The following SLAMF7 variants were observed in gnomAD, a reference collection of about 807,000 sequenced individuals.
The protein encoded by SLAMF7 is 19A24 protein.
SLAMF7 carries 26 observed loss-of-function variants against 34.1 expected under a neutral mutation model. The ratio of observed to expected loss-of-function variants is 0.76; its 90% confidence interval spans 0.56 to 1.06. The LOEUF is 1.06. Ranked by LOEUF, SLAMF7 falls within the 50% of genes least tolerant of loss-of-function variation. The probability of loss-of-function intolerance (pLI) is 0.00; values close to 1 mark genes in which losing one functional copy is unlikely to be tolerated. For synonymous variants in SLAMF7, 171 were observed against 156.4 expected (o/e 1.09, Z -0.70); for missense variants, 399 against 402.5 (o/e 0.99, Z 0.07).
At chr1:160,739,242 T>G, upstream of SLAMF7, 1 of 1,465,766 alleles carries the variant, frequency 6.8e-7, no homozygotes, top group Middle Eastern at 1.7e-4. Flanking sequence ...GGGGAAGAGG[T>G]CTGAGTAATA....
At position 160,753,163 on chromosome 1, in the gene SLAMF7, G is replaced by A. The variant is rs1198762741; in HGVS notation, c.994G>A (p.Glu332Lys). 4 of 1,612,812 alleles carry A rather than the reference G, an allele frequency of 2.5e-6. No individual in the cohort carries two copies. Among genetic ancestry groups the A allele is most frequent in the East Asian group, 2.2e-5 (1 of 44,866 alleles). Residue 332 changes from glutamate (E) to lysine (K), a missense_variant, in exon 7 of 7, where the codon GAG (glutamate) becomes AAG (lysine). Coordinates refer to ENST00000368043, the MANE Select transcript of SLAMF7 (RefSeq NM_021181.5). Reference protein sequence around the residue: ...MPDTPRLFAYENVI With the variant: ...MPDTPRLFAYKNVI ...AGACACACCAAGGCTATTTGCCTAT[G>A]AGAATGTTATCTAGACAGCAGTGCA...
intron 1 of SLAMF7, among the ~76,000 whole-genome samples, chr1:160,742,211 C>A (rs1663804501): frequency 6.6e-6 from 1 of 152,106 alleles, no homozygotes; most frequent in Non-Finnish European, 1.5e-5. Flanking sequence ...AGGAAGGTGA[C>A]AAAGGGCAGG....
intron 2 of SLAMF7, among the ~76,000 whole-genome samples, chr1:160,748,994 TC>T (rs1369951336): frequency 6.6e-6 from 1 of 152,186 alleles, no homozygotes; most frequent in African/African-American, 2.4e-5. Context: ...GAGAAATGCT[TC>T]CTTTCAATTC....
At chr1:160,753,062 C>T in intron 6 of SLAMF7, 44 bp from the exon 7 acceptor site, 3 of 1,576,168 alleles carry the variant, frequency 1.9e-6, no homozygotes, top group Non-Finnish European at 2.6e-6. Flanking sequence ...GATCCAGAGC[C>T]CTGCTCACCT....
chr1:160,744,675 C>T (rs1664001010), intron 1 of SLAMF7, among the ~76,000 whole-genome samples: 1 of 152,200 alleles, frequency 6.6e-6, no homozygotes, highest in Non-Finnish European at 1.5e-5. Context: ...CACTTCCTCA[C>T]CTTAAATTAT....
intron 1 of SLAMF7, among the ~76,000 whole-genome samples, chr1:160,740,578 C>T (rs548520810): frequency 2.6e-5 from 4 of 152,248 alleles, no homozygotes; most frequent in African/African-American, 4.8e-5. Flanking sequence ...ACTGGACAAG[C>T]GCATCCTTGG....
In SLAMF7 at chr1:160,750,042, C is replaced by G. The variant is rs766218290; in HGVS notation, c.598C>G (p.Pro200Ala). 3.1e-6 allele frequency: 5 copies of G among 1,614,028 alleles called. No homozygotes were observed. Among genetic ancestry groups the G allele is most frequent in the African/African-American group, 1.3e-5 (1 of 74,932 alleles). Residue 200 changes from proline (P) to alanine (A), a missense_variant, in exon 3 of 7, where the codon CCT becomes GCT. Pro to Ala is a conservative substitution (Grantham distance 27). Transcript: ENST00000368043. ...GACCTTCATCTGCGTTGCCAGGAAC[C>G]CTGTCAGCAGAAACTTCTCAAGCCC... ...DMTFICVARN[P>A]VSRNFSSPIL...
rs778077603 is a variant in SLAMF7, at chr1:160,750,431, G to A, written c.769+8G>A. On this transcript the variant is annotated splice_region_variant and intron_variant, in intron 4 of 6. Coordinates refer to ENST00000368043, the MANE Select transcript of SLAMF7 (RefSeq NM_021181.5). ...AGAGAGAGAGACAAGAAGGTAGAGC[G>A]TGTACTATTTTTGTCCTCACCCACA... 3.0e-5 allele frequency: 49 copies of A among 1,612,272 alleles called. No homozygotes were observed. The highest frequency in any genetic ancestry group is 6.7e-5 in the East Asian group (3 of 44,872).
At chr1:160,746,019 G>C (rs1269848860) in intron 1 of SLAMF7, among the ~76,000 whole-genome samples, 1 of 152,172 alleles carries the variant, frequency 6.6e-6, no homozygotes, top group Non-Finnish European at 1.5e-5. Flanking sequence ...GAAAAGGCAT[G>C]AGTTACATCA....
intron 1 of SLAMF7, among the ~76,000 whole-genome samples, chr1:160,742,786 T>A (rs1663848849): frequency 6.6e-6 from 1 of 152,192 alleles, no homozygotes; most frequent in South Asian, 2.1e-4. Context: ...TTTAGGAAAG[T>A]CACCCCACTT....
intron 2 of SLAMF7, 25 bp from the exon 3 acceptor site, chr1:160,749,796 C>T: frequency 6.5e-7 from 1 of 1,544,820 alleles, no homozygotes; most frequent in Non-Finnish European, 8.7e-7. Context: ...AGAGTTTCCA[C>T]CTCTGGTTTT....
At position 160,748,377 on chromosome 1, in the gene SLAMF7, G is replaced by A; in HGVS notation, c.239G>A (p.Arg80Lys). The change falls in exon 2 of 7, where the codon AGA becomes AAA. Residue 80 changes from arginine to lysine, a missense_variant. Coordinates refer to ENST00000368043, the MANE Select transcript of SLAMF7 (RefSeq NM_021181.5). ...IIVTQNRNRE[R>K]VDFPDGGYSL... ...GTGACCCAAAATCGTAATAGGGAGA[G>A]AGTAGACTTCCCAGATGGAGGCTAC... 1.2e-6 allele frequency: 2 copies of A among 1,614,092 alleles called. No individual in the cohort carries two copies. Among genetic ancestry groups the A allele is most frequent in the Non-Finnish European group, 1.7e-6 (2 of 1,179,978 alleles).
At position 160,749,678 on chromosome 1, in the gene SLAMF7, G is replaced by A. The variant is rs755762810; in HGVS notation, c.377-143G>A. On this transcript the variant is annotated intron_variant, in intron 2 of 6. Coordinates refer to ENST00000368043, the MANE Select transcript of SLAMF7 (RefSeq NM_021181.5). ...CTAGGTAGTTCTCTTTTCCAGATAC[G>A]AATGAGGATTCTGCTCTGAATTACT... The A allele has an allele frequency of 4.3e-5, 27 of 622,302 alleles. No individual in the cohort carries two copies. The South Asian group carries it at 6.0e-4, about 14-fold the overall frequency. The allele number at this position is 622,302 out of a possible 1,614,324, so 38.5% of individuals were successfully genotyped here.
intron 1 of SLAMF7, among the ~76,000 whole-genome samples, chr1:160,744,396 C>T (rs1419823859): frequency 6.6e-6 from 1 of 152,180 alleles, no homozygotes; most frequent in Non-Finnish European, 1.5e-5. Flanking sequence ...TTTCGTTACC[C>T]CTTGTCTCAC....
intron 1 of SLAMF7, 79 bp downstream of exon 1, chr1:160,739,435 C>T (rs1571096063): frequency 7.8e-7 from 1 of 1,275,570 alleles, no homozygotes; most frequent in East Asian, 2.3e-5. Flanking sequence ...CCACTCTGGG[C>T]CTCTGGCTCA....
rs1470899089 is a variant in SLAMF7 at position 160,739,350 on chromosome 1, C to A, written c.49C>A (p.Leu17Ile). ...CLTLIYILWQLTGSAASGPVK... is the reference protein window; with the variant it reads ...CLTLIYILWQITGSAASGPVK... ...CACCCTCATCTATATCCTTTGGCAG[C>A]TCACAGGTGAGTCCGGCCGGATTCT... The change falls in exon 1 of 7, where the codon CTC (leucine) becomes ATC (isoleucine). Residue 17 changes from leucine (L) to isoleucine (I), a missense_variant. By Grantham distance (5) the Leu-to-Ile change is conservative. Coordinates refer to ENST00000368043, the MANE Select transcript of SLAMF7 (RefSeq NM_021181.5). 2 of 1,613,160 alleles carry A rather than the reference C, an allele frequency of 1.2e-6. No individual in the cohort carries two copies. The highest frequency in any genetic ancestry group is 1.6e-4 in the Middle Eastern group (1 of 6,076).
chr1:160,741,725 T>C (rs1167779133), intron 1 of SLAMF7, among the ~76,000 whole-genome samples: 1 of 152,122 alleles, frequency 6.6e-6, no homozygotes, highest in African/African-American at 2.4e-5. Context: ...TCCCAAGAAA[T>C]ACACTGAGGC....
intron 5 of SLAMF7, chr1:160,751,862 C>CA (rs1664646265): frequency 4.8e-5 from 2 of 41,914 alleles, no homozygotes; most frequent in Admixed American, 3.1e-4. Flanking sequence ...CTCTCTCTCT[C>CA]TATATATATA....
Position 160,739,411 on chromosome 1 carries a change from C to G in SLAMF7, c.55+55C>G. The G allele has an allele frequency of 1.3e-6, 2 of 1,509,910 alleles. 1 individual carries two copies. Among genetic ancestry groups the G allele is most frequent in the South Asian group, 2.4e-5 (2 of 83,412 alleles). 93.5% of individuals were successfully genotyped at this position (1,509,910 alleles called of 1,614,324 possible). ...CCTGTCTACCCCATCCTGAATAGTTCCAGGTTTCTTGTTCCACTCTGGGCC... is the reference window on the plus strand; with the variant it reads ...CCTGTCTACCCCATCCTGAATAGTTGCAGGTTTCTTGTTCCACTCTGGGCC... On this transcript the variant is annotated intron_variant, in intron 1 of 6. Transcript: ENST00000368043.
Sources: gnomAD v4.1 joint callset for allele counts (sites outside exome capture counted in the v4.1 genomes callset) on GRCh38, gnomAD v4.1.1 for gene constraint, MANE v1.5 for transcripts, NCBI Gene and HGNC (gene_info 2026-07-23, HGNC 2026-07-21) for gene names.